Variants in ATRNL1 observed in about 807,000 individuals in gnomAD.
ATRNL1 encodes attractin like 1.
In ATRNL1, 95 loss-of-function variants were observed where a neutral mutation model predicts 182.7. The observed-to-expected ratio is 0.52, with a 90% CI of 0.44 to 0.62. The LOEUF (loss-of-function observed/expected upper bound fraction) is 0.62, where lower values mean the gene tolerates loss of function less well. Among genes scored for constraint, ATRNL1 ranks in the 20% least tolerant of loss-of-function variants. ATRNL1 has a pLI of 0.00. For synonymous variants in ATRNL1, 576 were observed against 568.3 expected (o/e 1.01, Z -0.19); for missense variants, 1,471 against 1,679.5 (o/e 0.88, Z 2.17).
chr10:115,664,309 A>G (rs1387747469), intron 26 of ATRNL1, among the ~76,000 whole-genome samples: 5 of 152,340 alleles, frequency 3.3e-5, no homozygotes, highest in Non-Finnish European at 5.9e-5. Flanking sequence ...TAGCAAAAGC[A>G]TAGCAAAGAA....
intron 8 of ATRNL1, among the ~76,000 whole-genome samples, chr10:115,176,799 C>CT (rs1201875357): frequency 6.6e-6 from 1 of 152,030 alleles, no homozygotes; most frequent in Non-Finnish European, 1.5e-5. Flanking sequence ...TATAGGTACT[C>CT]TTTTTTTAAA....
Position 115,832,561 on chromosome 10 carries a change from A to G in ATRNL1, c.3904-15316A>G, listed in dbSNP as rs370017944. Among the ~76,000 whole-genome samples the G allele has an allele frequency of 1.1e-4, 17 of 152,270 alleles. No homozygotes were observed. The East Asian group carries it at 3.3e-3, about 29-fold the overall frequency. ...TATGCGTCTGTCTGTCTCCTGTGGT[A>G]TGTCATTACTTCCAGATGCTAGTAT... On this transcript the variant is annotated intron_variant, in intron 27 of 28. Transcript: ENST00000355044.
chr10:115,494,945 G>A (rs1372677863), intron 24 of ATRNL1, among the ~76,000 whole-genome samples: 1 of 152,058 alleles, frequency 6.6e-6, no homozygotes, highest in Admixed American at 6.6e-5. Flanking sequence ...GATATATTTT[G>A]TCTGTGAATC....
chr10:115,645,088 G>A (rs1859519827), intron 26 of ATRNL1, among the ~76,000 whole-genome samples: 1 of 151,948 alleles, frequency 6.6e-6, no homozygotes, highest in East Asian at 1.9e-4. Context: ...CAACACTAAT[G>A]GACAAGCTGA....
At chr10:115,167,109 C>T (rs75177400) in intron 7 of ATRNL1, among the ~76,000 whole-genome samples, 3,765 of 151,874 alleles carry the variant, frequency 0.025, 54 homozygotes, top group South Asian at 0.035. Flanking sequence ...TTCCTTTGCA[C>T]GTGGATAGCC....
At chr10:115,701,577 G>A (rs546229911) in intron 26 of ATRNL1, among the ~76,000 whole-genome samples, 4 of 151,946 alleles carry the variant, frequency 2.6e-5, no homozygotes, top group African/African-American at 9.6e-5. Flanking sequence ...ACAAACTGAA[G>A]AAGATCCAAA....
chr10:115,455,063 T>C (rs1269506306), intron 21 of ATRNL1, among the ~76,000 whole-genome samples: 1 of 152,166 alleles, frequency 6.6e-6, no homozygotes, highest in African/African-American at 2.4e-5. Flanking sequence ...TGTGTTAATT[T>C]TCTCCTATAC....
intron 20 of ATRNL1, among the ~76,000 whole-genome samples, chr10:115,420,869 G>A (rs1485078248): frequency 5.9e-5 from 9 of 152,006 alleles, no homozygotes; most frequent in South Asian, 2.1e-4. Flanking sequence ...AGGAGACATC[G>A]CAACTGATAC....
At chr10:115,420,437 C>T (rs1006921793) in intron 20 of ATRNL1, among the ~76,000 whole-genome samples, 28 of 151,910 alleles carry the variant, frequency 1.8e-4, no homozygotes, top group African/African-American at 6.5e-4. Context: ...ACTTTGGAAA[C>T]TGTATACGTA....
intron 5 of ATRNL1, among the ~76,000 whole-genome samples, chr10:115,141,286 C>A (rs1845743235): frequency 6.6e-6 from 1 of 152,064 alleles, no homozygotes; most frequent in African/African-American, 2.4e-5. Context: ...GGTTATTACT[C>A]TAATAAACTA....
intron 27 of ATRNL1, among the ~76,000 whole-genome samples, chr10:115,734,825 T>C (rs1421479696): frequency 6.6e-6 from 1 of 152,158 alleles, no homozygotes; most frequent in African/African-American, 2.4e-5. Flanking sequence ...TTAAAAAATA[T>C]TCCCTTTTAT....
intron 10 of ATRNL1, among the ~76,000 whole-genome samples, chr10:115,255,242 C>T (rs927896158): frequency 7.9e-5 from 12 of 152,116 alleles, no homozygotes; most frequent in Admixed American, 2.6e-4. Flanking sequence ...GCCATTTTCA[C>T]GATACTGATT....
intron 21 of ATRNL1, among the ~76,000 whole-genome samples, chr10:115,448,857 A>C (rs1399013829): frequency 2.9e-5 from 4 of 139,574 alleles, no homozygotes; most frequent in East Asian, 2.0e-4. Context: ...GTGCCAACCA[A>C]CAACAACAAC....
chr10:115,627,922 A>C (rs543040790), intron 26 of ATRNL1, among the ~76,000 whole-genome samples: 6 of 152,204 alleles, frequency 3.9e-5, no homozygotes, highest in Admixed American at 2.6e-4. Flanking sequence ...TGAGGCGGGC[A>C]GATCACAAGG....
chr10:115,663,630 G>A (rs1388724379), intron 26 of ATRNL1, among the ~76,000 whole-genome samples: 5 of 152,006 alleles, frequency 3.3e-5, no homozygotes, highest in Non-Finnish European at 5.9e-5. Context: ...TGTGTTAGAG[G>A]CAGCAAATCC....
chr10:115,937,475 T>C (rs1953595789), intron 28 of ATRNL1, among the ~76,000 whole-genome samples: 1 of 152,238 alleles, frequency 6.6e-6, no homozygotes, highest in Non-Finnish European at 1.5e-5. Flanking sequence ...TTTTGCCTAA[T>C]AATGACTTCA....
intron 27 of ATRNL1, among the ~76,000 whole-genome samples, chr10:115,794,807 A>T (rs1464717807): frequency 1.3e-5 from 2 of 152,192 alleles, no homozygotes; most frequent in Non-Finnish European, 1.5e-5. Context: ...TGTACAATTA[A>T]TAAGTTCTTT....
chr10:115,814,545 C>G (rs1555087928), intron 27 of ATRNL1, among the ~76,000 whole-genome samples: 1 of 152,070 alleles, frequency 6.6e-6, no homozygotes, highest in African/African-American at 2.4e-5. Flanking sequence ...TAGTGAGTTA[C>G]CAGTCCCACA....
At chr10:115,765,413 T>C (rs1304726407) in intron 27 of ATRNL1, among the ~76,000 whole-genome samples, 3 of 152,220 alleles carry the variant, frequency 2.0e-5, no homozygotes, top group African/African-American at 7.2e-5. Context: ...ATTTCTCTGA[T>C]CTACAGAACA....
Sources: allele counts gnomAD v4.1 joint callset (sites outside exome capture counted in the v4.1 genomes callset), GRCh38; gene constraint gnomAD v4.1.1; transcripts MANE v1.5; gene names NCBI Gene and HGNC (gene_info 2026-07-23, HGNC 2026-07-21).